The following RSU1 variants were observed in gnomAD, a reference collection of about 807,000 sequenced individuals.
RSU1 encodes rsu-1.
Under a neutral mutation model 31.1 loss-of-function variants are expected in RSU1, and 26 were observed. That is an observed-to-expected ratio of 0.84 (90% CI 0.61 to 1.16). The LOEUF (loss-of-function observed/expected upper bound fraction) is 1.16, where lower values mean the gene tolerates loss of function less well. Ranked by LOEUF, RSU1 falls within the 50% of genes most tolerant of loss-of-function variation. The pLI is 0.00. For synonymous variants in RSU1, 164 were observed against 136.3 expected, an observed-to-expected ratio of 1.20 and a Z score of -1.41; for missense variants, 320 against 339.1, an observed-to-expected ratio of 0.94 and a Z score of 0.44.
chr10:16,804,346 A>T (rs1838221481), intron 2 of RSU1, among the ~76,000 whole-genome samples: 1 of 152,264 alleles, frequency 6.6e-6, no homozygotes, highest in Non-Finnish European at 1.5e-5. Flanking sequence ...GAGCAACAGG[A>T]AACCTCATTC....
At chr10:16,670,302 C>T (rs1474400701) in intron 8 of RSU1, among the ~76,000 whole-genome samples, 3 of 152,194 alleles carry the variant, frequency 2.0e-5, no homozygotes, top group African/African-American at 7.2e-5. Context: ...CATAATCGTA[C>T]ATGCTAAAGA....
intron 7 of RSU1, among the ~76,000 whole-genome samples, chr10:16,718,491 A>C (rs1836189275): frequency 6.6e-6 from 1 of 152,198 alleles, no homozygotes; most frequent in Non-Finnish European, 1.5e-5. Flanking sequence ...GTTTGGTAGT[A>C]GTCTGACATC....
intron 7 of RSU1, among the ~76,000 whole-genome samples, chr10:16,696,709 G>T (rs761083196): frequency 6.6e-6 from 1 of 152,202 alleles, no homozygotes; most frequent in Non-Finnish European, 1.5e-5. Context: ...TGGGAAATTA[G>T]TGAGCTTGAT....
chr10:16,635,822 A>C (rs1000701964), intron 8 of RSU1, among the ~76,000 whole-genome samples: 1 of 152,132 alleles, frequency 6.6e-6, no homozygotes, highest in African/African-American at 2.4e-5. Flanking sequence ...CCATTTCGTC[A>C]CCAAAGCCAG....
At chr10:16,644,928 T>C (rs1285400233) in intron 8 of RSU1, among the ~76,000 whole-genome samples, 1 of 152,208 alleles carries the variant, frequency 6.6e-6, no homozygotes, top group African/African-American at 2.4e-5. Flanking sequence ...GAAAACCCTA[T>C]ATTCCTGGTC....
intron 8 of RSU1, among the ~76,000 whole-genome samples, chr10:16,689,926 C>T (rs558084996): frequency 5.4e-4 from 83 of 152,324 alleles, no homozygotes; most frequent in African/African-American, 1.9e-3. Flanking sequence ...CATGATGACG[C>T]CTGTTTGCCA....
At chr10:16,624,828 G>T (rs182120431) in intron 8 of RSU1, among the ~76,000 whole-genome samples, 4 of 152,192 alleles carry the variant, frequency 2.6e-5, no homozygotes, top group Admixed American at 2.0e-4. Flanking sequence ...CTCATGGGCT[G>T]ATTGATTAAA....
rs536419223 is a variant in RSU1 at position 16,591,353 on chromosome 10, C to A, written c.*2041G>T. 1.3e-5 allele frequency: 2 copies of A among 152,126 alleles called. No homozygotes were observed. Among genetic ancestry groups the A allele is most frequent in the East Asian group, 3.9e-4 (2 of 5,192 alleles). 9.4% of individuals were successfully genotyped at this position (152,126 alleles called of 1,614,324 possible). ...CTATAAGGACAATTCCTAAACATTGCAGTTTGTGGGGATCTCGGATAATTT... is the reference window on the plus strand; with the variant it reads ...CTATAAGGACAATTCCTAAACATTGAAGTTTGTGGGGATCTCGGATAATTT... On this transcript the variant is annotated 3_prime_UTR_variant, in exon 9 of 9. Transcript: ENST00000345264.
chr10:16,595,024 TCCAC>T (rs1833587823), intron 8 of RSU1, among the ~76,000 whole-genome samples: 1 of 152,054 alleles, frequency 6.6e-6, no homozygotes, highest in African/African-American at 2.4e-5. Context: ...CTTCCAGTGA[TCCAC>T]CCACCTTGGC....
intron 8 of RSU1, among the ~76,000 whole-genome samples, chr10:16,672,518 G>A (rs1835128036): frequency 6.6e-6 from 1 of 152,054 alleles, no homozygotes; most frequent in South Asian, 2.1e-4. Flanking sequence ...CCACACAATG[G>A]ACTACAAATC....
chr10:16,647,005 GTCTC>G (rs1423911582), intron 8 of RSU1, among the ~76,000 whole-genome samples: 3 of 151,520 alleles, frequency 2.0e-5, no homozygotes, highest in Non-Finnish European at 2.9e-5. Flanking sequence ...TTGAGATGGA[GTCTC>G]TCTCTGTCTC....
intron 8 of RSU1, among the ~76,000 whole-genome samples, chr10:16,679,658 C>T (rs1018509223): frequency 2.6e-5 from 4 of 152,074 alleles, no homozygotes; most frequent in African/African-American, 9.7e-5. Context: ...AGGTGGAAAG[C>T]AGGTTGTATC....
rs1834560130 is a variant in RSU1, at chr10:16,646,024, ATATATATGTG to A, written c.731+48989_731+48998del. 5.3e-5 allele frequency among the ~76,000 whole-genome samples: 4 copies of A among 74,802 alleles called. 1 individual carries two copies. Among genetic ancestry groups the A allele is most frequent in the African/African-American group, 2.4e-4 (4 of 16,844 alleles). The allele number at this position is 74,802 out of a possible 152,430, so 49.1% of individuals were successfully genotyped here. On this transcript the variant is annotated intron_variant, in intron 8 of 8. Transcript: ENST00000345264. ...TATATGTGTATATACATATATGTGT[ATATATATGTG>A]TATATACATATATGTGTATATATAT...
chr10:16,762,036 G>C (rs1837220106), intron 4 of RSU1, among the ~76,000 whole-genome samples: 1 of 151,890 alleles, frequency 6.6e-6, no homozygotes, highest in Non-Finnish European at 1.5e-5. Context: ...CCCCCTGTTG[G>C]TCCACAACCG....
intron 3 of RSU1, among the ~76,000 whole-genome samples, chr10:16,776,364 A>G (rs1656325282): frequency 6.6e-6 from 1 of 152,186 alleles, no homozygotes; most frequent in Non-Finnish European, 1.5e-5. Context: ...ATTAAATTCT[A>G]TGTACTTAGA....
intron 8 of RSU1, among the ~76,000 whole-genome samples, chr10:16,670,543 G>A (rs978945130): frequency 1.3e-5 from 2 of 152,128 alleles, no homozygotes; most frequent in Admixed American, 1.3e-4. Context: ...GTTTCTGGGA[G>A]GACTTGGCCA....
chr10:16,613,884 A>T (rs78392103), intron 8 of RSU1, among the ~76,000 whole-genome samples: 3 of 152,258 alleles, frequency 2.0e-5, no homozygotes, highest in Non-Finnish European at 4.4e-5. Flanking sequence ...CTACTGATGG[A>T]TATGAAGATC....
chr10:16,701,052 T>C (rs985469521), intron 7 of RSU1, among the ~76,000 whole-genome samples: 3 of 152,204 alleles, frequency 2.0e-5, no homozygotes, highest in African/African-American at 2.4e-5. Flanking sequence ...GAAATATTAA[T>C]GTTGGTTTTC....
At chr10:16,609,592 C>T (rs950760685) in intron 8 of RSU1, among the ~76,000 whole-genome samples, 1 of 152,218 alleles carries the variant, frequency 6.6e-6, no homozygotes, top group Admixed American at 6.5e-5. Flanking sequence ...TACGACGACA[C>T]TGGATGGAAC....
Sources: gnomAD v4.1 joint callset for allele counts (sites outside exome capture counted in the v4.1 genomes callset) on GRCh38, gnomAD v4.1.1 for gene constraint, MANE v1.5 for transcripts, NCBI Gene and HGNC (gene_info 2026-07-23, HGNC 2026-07-21) for gene names.